Variants in PDS5B observed in about 807,000 individuals in gnomAD.
PDS5B encodes the protein sister chromatid cohesion protein PDS5 homolog B.
PDS5B carries 51 observed loss-of-function variants against 184.1 expected under a neutral mutation model. The observed-to-expected ratio is 0.28, with a 90% CI of 0.22 to 0.35. The LOEUF (loss-of-function observed/expected upper bound fraction) is 0.35, where lower values mean the gene tolerates loss of function less well. PDS5B is among the 10% of genes least tolerant of loss of function. PDS5B has a pLI of 1.00. For synonymous variants in PDS5B, 566 were observed against 569.2 expected, an observed-to-expected ratio of 0.99 and a Z score of 0.08; for missense variants, 1,180 against 1,723.3, an observed-to-expected ratio of 0.68 and a Z score of 5.58.
At chr13:32,723,785 GAAT>G (rs1952801418) in intron 19 of PDS5B, among the ~76,000 whole-genome samples, 2 of 152,154 alleles carry the variant, frequency 1.3e-5, no homozygotes, top group Admixed American at 1.3e-4. Flanking sequence ...AGTAACCACA[GAAT>G]AATAATCTTT....
intron 31 of PDS5B, among the ~76,000 whole-genome samples, chr13:32,768,897 T>C (rs1466361842): frequency 7.1e-6 from 1 of 140,480 alleles, no homozygotes. Flanking sequence ...GTCAGGAGAT[T>C]GAGACCATCC....
At chr13:32,725,963 A>G (rs1012639563) in intron 19 of PDS5B, among the ~76,000 whole-genome samples, 1 of 152,148 alleles carries the variant, frequency 6.6e-6, no homozygotes, top group Non-Finnish European at 1.5e-5. Context: ...ATGCTAGCAC[A>G]TGGATACATA....
intron 1 of PDS5B, among the ~76,000 whole-genome samples, chr13:32,614,715 A>G (rs1410341228): frequency 2.6e-5 from 4 of 152,226 alleles, no homozygotes; most frequent in Non-Finnish European, 5.9e-5. Context: ...TATTTTACAA[A>G]CGTAAAAACG....
intron 1 of PDS5B, among the ~76,000 whole-genome samples, chr13:32,631,256 A>G (rs901071464): frequency 6.9e-6 from 1 of 145,406 alleles, no homozygotes; most frequent in African/African-American, 2.6e-5. Context: ...AGTTGGGACT[A>G]ATTTTTTTGT....
chr13:32,653,770 T>C (rs556059318), intron 3 of PDS5B, among the ~76,000 whole-genome samples: 1 of 152,220 alleles, frequency 6.6e-6, no homozygotes, highest in South Asian at 2.1e-4. Context: ...TTGGAGATAC[T>C]TAATTGGTTT....
chr13:32,615,522 T>C (rs1048135641), intron 1 of PDS5B, among the ~76,000 whole-genome samples: 3 of 152,212 alleles, frequency 2.0e-5, no homozygotes, highest in African/African-American at 7.2e-5. Flanking sequence ...CTGGGATCGA[T>C]TGTACTTTAT....
intron 1 of PDS5B, among the ~76,000 whole-genome samples, chr13:32,645,578 A>G (rs1271900455): frequency 6.6e-6 from 1 of 152,156 alleles, no homozygotes; most frequent in Non-Finnish European, 1.5e-5. Flanking sequence ...ATGTTATATT[A>G]TCAAATTTAT....
chr13:32,753,753 A>G (rs1954070251), intron 25 of PDS5B, among the ~76,000 whole-genome samples: 1 of 152,210 alleles, frequency 6.6e-6, no homozygotes, highest in African/African-American at 2.4e-5. Flanking sequence ...AAAGGACTAA[A>G]TGGCCAAGGA....
At chr13:32,655,132 T>C (rs1047725641) in intron 3 of PDS5B, among the ~76,000 whole-genome samples, 4 of 151,836 alleles carry the variant, frequency 2.6e-5, no homozygotes, top group African/African-American at 9.7e-5. Context: ...TGAACTAATT[T>C]ATATTCCCAC....
At chr13:32,676,109 G>T in intron 9 of PDS5B, 150 bp downstream of exon 9, 2 of 555,276 alleles carry the variant, frequency 3.6e-6, no homozygotes, top group East Asian at 2.9e-5. Flanking sequence ...GTTAATGACT[G>T]GCTATATTTA....
chr13:32,644,572 A>T (rs193025170), intron 1 of PDS5B, among the ~76,000 whole-genome samples: 140 of 151,836 alleles, frequency 9.2e-4, no homozygotes, highest in Non-Finnish European at 1.7e-3. Context: ...TCTTTATTGC[A>T]GTGTCAAATT....
chr13:32,652,151 T>C (rs551457063), intron 3 of PDS5B, 144 bp downstream of exon 3: 9 of 627,516 alleles, frequency 1.4e-5, no homozygotes, highest in Middle Eastern at 3.4e-4. Context: ...TAATGTTTTT[T>C]TTTTTTTTTA....
chr13:32,767,105 A>T (rs956474544), intron 31 of PDS5B, among the ~76,000 whole-genome samples: 2 of 152,274 alleles, frequency 1.3e-5, no homozygotes, highest in Admixed American at 1.3e-4. Flanking sequence ...AATGTTACCA[A>T]ATCTTTTACT....
At chr13:32,697,460 C>T (rs1951739198) in intron 15 of PDS5B, among the ~76,000 whole-genome samples, 1 of 152,082 alleles carries the variant, frequency 6.6e-6, no homozygotes, top group African/African-American at 2.4e-5. Context: ...GCTGAACTTC[C>T]ACTTGGTGAT....
At chr13:32,680,983 C>G (rs1447562478) in intron 10 of PDS5B, among the ~76,000 whole-genome samples, 1 of 152,124 alleles carries the variant, frequency 6.6e-6, no homozygotes, top group African/African-American at 2.4e-5. Flanking sequence ...ATTTCTCTTT[C>G]ACTGAATTTG....
chr13:32,596,604 C>CCCACCTGAATATAT (rs1481921291), intron 1 of PDS5B, among the ~76,000 whole-genome samples: 3 of 152,088 alleles, frequency 2.0e-5, no homozygotes, highest in African/African-American at 7.2e-5. Context: ...TTTTTATATT[C>CCCACCTGAATATAT]CCACCTGAAT....
intron 19 of PDS5B, among the ~76,000 whole-genome samples, chr13:32,715,992 G>A (rs987958271): frequency 9.2e-5 from 14 of 152,236 alleles, no homozygotes; most frequent in African/African-American, 1.7e-4. Flanking sequence ...ATGCAGTGGC[G>A]TGATCTTGGC....
At chr13:32,745,555 T>C (rs1953713224) in intron 23 of PDS5B, among the ~76,000 whole-genome samples, 1 of 152,232 alleles carries the variant, frequency 6.6e-6, no homozygotes, top group Non-Finnish European at 1.5e-5. Context: ...AATACCAGGC[T>C]TATAAACAAC....
chr13:32,722,908 A>T (rs1357786426), intron 19 of PDS5B, among the ~76,000 whole-genome samples: 3 of 152,210 alleles, frequency 2.0e-5, no homozygotes, highest in East Asian at 3.8e-4. Context: ...AGTGTCTTGC[A>T]GTGGAAGAAA....
Sources: gnomAD v4.1 joint callset for allele counts (sites outside exome capture counted in the v4.1 genomes callset) on GRCh38, gnomAD v4.1.1 for gene constraint, MANE v1.5 for transcripts, NCBI Gene and HGNC (gene_info 2026-07-23, HGNC 2026-07-21) for gene names.